The following HDAC4 variants were observed in gnomAD, a reference collection of about 807,000 sequenced individuals.
HDAC4 encodes the protein histone deacetylase 4.
HDAC4 carries 16 observed loss-of-function variants against 135.1 expected under a neutral mutation model. That is an observed-to-expected ratio of 0.12 (90% confidence interval 0.08 to 0.18). HDAC4 has a LOEUF of 0.18. Among genes scored for constraint, HDAC4 ranks in the 10% least tolerant of loss-of-function variants. The pLI, the probability that HDAC4 is intolerant of heterozygous loss-of-function variation, is 1.00. For synonymous variants in HDAC4, 685 were observed against 653.4 expected, an observed-to-expected ratio of 1.05 and a Z score of -0.74; for missense variants, 1,143 against 1,511.8, an observed-to-expected ratio of 0.76 and a Z score of 4.05.
chr2:239,144,798 A>G (rs1209224358), intron 7 of HDAC4, 84 bp from the exon 8 acceptor site: 7 of 1,398,584 alleles, frequency 5.0e-6, no homozygotes, highest in Non-Finnish European at 5.1e-6. Flanking sequence ...AAAAATACGC[A>G]CTCTGGTGAG....
chr2:239,294,543 G>A (rs926219388), intron 2 of HDAC4, among the ~76,000 whole-genome samples: 1 of 152,176 alleles, frequency 6.6e-6, no homozygotes, highest in Non-Finnish European at 1.5e-5. Flanking sequence ...CTAGGCTTCT[G>A]AGTAGGTGGG....
chr2:239,122,746 G>A (rs924369957), intron 12 of HDAC4, among the ~76,000 whole-genome samples: 4 of 152,208 alleles, frequency 2.6e-5, no homozygotes, highest in Admixed American at 6.5e-5. Context: ...GGCTAGGCAC[G>A]GGCCGCCTCT....
chr2:239,117,497 G>C (rs1306582867), intron 12 of HDAC4, among the ~76,000 whole-genome samples: 1 of 149,790 alleles, frequency 6.7e-6, no homozygotes, highest in Non-Finnish European at 1.5e-5. Context: ...AGCCAGAAAA[G>C]GGATGAATGT....
intron 5 of HDAC4, among the ~76,000 whole-genome samples, chr2:239,169,158 G>A (rs2043293292): frequency 6.6e-6 from 1 of 152,202 alleles, no homozygotes; most frequent in South Asian, 2.1e-4. Flanking sequence ...TTGGTTAGTT[G>A]TGGCACAAAT....
At chr2:239,187,434 T>A (rs960709096) in intron 4 of HDAC4, among the ~76,000 whole-genome samples, 2 of 152,266 alleles carry the variant, frequency 1.3e-5, no homozygotes, top group Admixed American at 6.5e-5. Flanking sequence ...GGGCTGCTCT[T>A]CGCAGATCAT....
chr2:239,104,895 A>G (rs970815269), intron 15 of HDAC4, among the ~76,000 whole-genome samples: 1 of 152,272 alleles, frequency 6.6e-6, no homozygotes, highest in African/African-American at 2.4e-5. Flanking sequence ...TTACAAACAC[A>G]TGAAATGGAC....
intron 1 of HDAC4, among the ~76,000 whole-genome samples, chr2:239,386,718 G>A (rs979870858): frequency 2.0e-5 from 3 of 152,254 alleles, no homozygotes; most frequent in Non-Finnish European, 4.4e-5. Flanking sequence ...AGAGGAGCAA[G>A]AGCCACATCC....
chr2:239,295,120 T>A (rs1013469009), intron 2 of HDAC4, among the ~76,000 whole-genome samples: 85 of 151,522 alleles, frequency 5.6e-4, no homozygotes, highest in African/African-American at 1.9e-3. Context: ...ATCCCGGCTA[T>A]AACGGTGAAA....
intron 2 of HDAC4, among the ~76,000 whole-genome samples, chr2:239,317,175 A>G (rs1022194393): frequency 1.4e-4 from 21 of 152,312 alleles, no homozygotes; most frequent in African/African-American, 4.3e-4. Flanking sequence ...GACTGAACAA[A>G]TAAGTAAGTA....
In HDAC4 at chr2:239,167,787, T is replaced by C. The variant is rs2043200282; in HGVS notation, c.491-3864A>G. On this transcript the variant is annotated intron_variant, in intron 5 of 26. Transcript: ENST00000543185. The surrounding 1 kb of genome is among the most constrained non-coding windows in gnomAD (Gnocchi z 4.1). ...CACTCATCCCCTGCATGGAGGCTTC[T>C]ACAGAGGCTCTATGAGATGCCAGCC... is the stretch of plus-strand genomic sequence containing the variant. Among the ~76,000 whole-genome samples the C allele has an allele frequency of 6.6e-6, 1 of 151,972 alleles. No individual in the cohort carries two copies.
In HDAC4 at chr2:239,095,088, C is replaced by G. The variant is rs186887684; in HGVS notation, c.2234-32G>C. ...GGGGGAGGGAGACGGTCAGAGAGGC[C>G]AAGGGCACGCGGCCAAGGTGCTCGA... On this transcript the variant is annotated intron_variant, in intron 16 of 26. Transcript: ENST00000543185. The G allele has an allele frequency of 1.6e-4, 264 of 1,613,342 alleles. 1 individual carries two copies. In the African/African-American group the frequency reaches 2.8e-3, roughly 17 times the overall value.
At chr2:239,258,741 A>C (rs2049184972) in intron 2 of HDAC4, among the ~76,000 whole-genome samples, 2 of 152,362 alleles carry the variant, frequency 1.3e-5, no homozygotes, top group South Asian at 4.1e-4. Context: ...CAAATAATAA[A>C]GTATGCCACA....
At chr2:239,138,267 G>T (rs1472289261) in intron 9 of HDAC4, among the ~76,000 whole-genome samples, 8 of 152,158 alleles carry the variant, frequency 5.3e-5, no homozygotes, top group African/African-American at 1.9e-4. Flanking sequence ...AAGAGAAATT[G>T]GGGATTAAGC....
In HDAC4 at chr2:239,335,772, T is replaced by C. The variant is rs73102717; in HGVS notation, c.22+16906A>G. On this transcript the variant is annotated intron_variant, in intron 2 of 26. Transcript: ENST00000543185. Reference sequence around the variant, plus strand: ...GGAAATACAAATGAAACTACAATAGTTAAAATGAAAAAGAATTACAGTACC... The same window carrying C: ...GGAAATACAAATGAAACTACAATAGCTAAAATGAAAAAGAATTACAGTACC... Among the ~76,000 whole-genome samples, 774 of 152,242 alleles carry C rather than the reference T, an allele frequency of 5.1e-3. 7 individuals carry two copies. Among genetic ancestry groups the C allele is most frequent in the African/African-American group, 0.018 (744 of 41,540 alleles).
chr2:239,200,001 G>C (rs2045657424), intron 3 of HDAC4, among the ~76,000 whole-genome samples: 1 of 152,166 alleles, frequency 6.6e-6, no homozygotes, highest in Non-Finnish European at 1.5e-5. Flanking sequence ...GCCTCCCAAA[G>C]TGCTGGGATT....
At chr2:239,353,111 T>G (rs1008209692) in intron 1 of HDAC4, among the ~76,000 whole-genome samples, 193 bp from the exon 2 acceptor site, 1 of 152,212 alleles carries the variant, frequency 6.6e-6, no homozygotes. Flanking sequence ...AACCCTGGGT[T>G]CGAGCAATTC....
At chr2:239,117,038 C>T (rs944620618) in intron 12 of HDAC4, among the ~76,000 whole-genome samples, 1 of 152,184 alleles carries the variant, frequency 6.6e-6, no homozygotes, top group Admixed American at 6.5e-5. Flanking sequence ...GACTCATCCA[C>T]GTGGCACAGG....
At chr2:239,260,817 A>G (rs2049317567) in intron 2 of HDAC4, among the ~76,000 whole-genome samples, 1 of 152,158 alleles carries the variant, frequency 6.6e-6, no homozygotes, top group Admixed American at 6.5e-5. Flanking sequence ...GGCGGCTCAC[A>G]TTGCATTGTG....
rs550184034 is a variant in HDAC4 at position 239,303,848 on chromosome 2, C to T, written c.22+48830G>A. ...TGAAGCCCCGTGCCAAGGGCTTCTCCGGGACCCCAGATACCCACCAGACCC... is the reference window on the plus strand; with the variant it reads ...TGAAGCCCCGTGCCAAGGGCTTCTCTGGGACCCCAGATACCCACCAGACCC... On this transcript the variant is annotated intron_variant, in intron 2 of 26. Coordinates refer to ENST00000543185, the MANE Select transcript of HDAC4 (RefSeq NM_001378414.1). The surrounding 1 kb of genome is among the most constrained non-coding windows in gnomAD (Gnocchi z 5.1). Among the ~76,000 whole-genome samples the T allele has an allele frequency of 7.2e-5, 11 of 152,290 alleles. No homozygotes were observed. Among genetic ancestry groups the T allele is most frequent in the African/African-American group, 2.4e-4 (10 of 41,556 alleles).
Sources: gnomAD v4.1 joint callset for allele counts (sites outside exome capture counted in the v4.1 genomes callset) on GRCh38, gnomAD v4.1.1 for gene constraint, Gnocchi (gnomAD v3.1) non-coding constraint, MANE v1.5 for transcripts, NCBI Gene and HGNC (gene_info 2026-07-23, HGNC 2026-07-21) for gene names.